RCAN2: variants seen among roughly 807,000 people sequenced by gnomAD.
The protein encoded by RCAN2 is regulator of calcineurin 2, also known as calcipressin-2.
Under a neutral mutation model 23.6 loss-of-function variants are expected in RCAN2, and 9 were observed. That is an observed-to-expected ratio of 0.38 (90% CI 0.23 to 0.67). The LOEUF (loss-of-function observed/expected upper bound fraction) is 0.67. Ranked by LOEUF, RCAN2 falls within the 30% of genes least tolerant of loss-of-function variation. RCAN2 has a pLI of 0.51. For synonymous variants in RCAN2, 109 were observed against 115.7 expected (o/e 0.94, Z 0.37); for missense variants, 273 against 302.3 (o/e 0.90, Z 0.72).
At position 46,333,456 on chromosome 6, in the gene RCAN2, G is replaced by A. The variant is rs566652740; in HGVS notation, c.226-84560C>T. On this transcript the variant is annotated intron_variant, in intron 2 of 4. Coordinates refer to ENST00000371374, the MANE Select transcript of RCAN2 (RefSeq NM_001251974.2). ...CCATTTGGATTGTTTCCAGCCTTTC[G>A]CTATTAAATAATGCAGCAATGGATA... Among the ~76,000 whole-genome samples the A allele has an allele frequency of 7.9e-5, 12 of 152,188 alleles. No homozygotes were observed. The South Asian group carries it at 1.9e-3, about 24-fold the overall frequency.
chr6:46,288,358 G>A (rs1171173928), intron 2 of RCAN2, among the ~76,000 whole-genome samples: 4 of 152,222 alleles, frequency 2.6e-5, no homozygotes, highest in African/African-American at 9.6e-5. Context: ...AGGAATCCCA[G>A]GCACCAGCAA....
At chr6:46,332,578 T>C (rs914933504) in intron 2 of RCAN2, among the ~76,000 whole-genome samples, 8 of 151,852 alleles carry the variant, frequency 5.3e-5, no homozygotes, top group Non-Finnish European at 7.4e-5. Context: ...TTTGTTCTTG[T>C]GATAGTTTAC....
chr6:46,242,976 C>T (rs1766358607), intron 4 of RCAN2, among the ~76,000 whole-genome samples: 1 of 152,204 alleles, frequency 6.6e-6, no homozygotes. Context: ...TGCATTCTTT[C>T]CCTCAGTAAG....
intron 2 of RCAN2, among the ~76,000 whole-genome samples, chr6:46,387,437 G>C (rs982732555): frequency 6.6e-6 from 1 of 152,274 alleles, no homozygotes; most frequent in African/African-American, 2.4e-5. Flanking sequence ...CAAAAAGTGG[G>C]TGAAGGATAT....
chr6:46,460,056 GT>G (rs143690465), intron 1 of RCAN2, among the ~76,000 whole-genome samples: 24 of 148,180 alleles, frequency 1.6e-4, no homozygotes, highest in Non-Finnish European at 3.5e-4. Flanking sequence ...CTCTGTTGTT[GT>G]TTTTTTTTTC....
At chr6:46,286,517 A>T (rs1762377965) in intron 2 of RCAN2, among the ~76,000 whole-genome samples, 1 of 152,242 alleles carries the variant, frequency 6.6e-6, no homozygotes, top group Non-Finnish European at 1.5e-5. Flanking sequence ...GCAGAAATAT[A>T]TGAGAAAGGA....
At chr6:46,440,281 A>T (rs1365114694) in intron 2 of RCAN2, among the ~76,000 whole-genome samples, 1 of 152,192 alleles carries the variant, frequency 6.6e-6, no homozygotes, top group Non-Finnish European at 1.5e-5. Flanking sequence ...AACCATGTGG[A>T]CCTAGATGGC....
At chr6:46,438,871 T>C (rs143990168) in intron 2 of RCAN2, among the ~76,000 whole-genome samples, 23 of 152,332 alleles carry the variant, frequency 1.5e-4, no homozygotes, top group African/African-American at 5.5e-4. Context: ...TCAATAATTA[T>C]TAAATAATTG....
chr6:46,271,494 C>G (rs1395261671), intron 2 of RCAN2, among the ~76,000 whole-genome samples: 3 of 152,194 alleles, frequency 2.0e-5, no homozygotes, highest in African/African-American at 7.2e-5. Flanking sequence ...GATCAAACAT[C>G]TGAGCACCGT....
At chr6:46,297,187 C>T (rs964769485) in intron 2 of RCAN2, among the ~76,000 whole-genome samples, 2 of 152,068 alleles carry the variant, frequency 1.3e-5, no homozygotes, top group South Asian at 2.1e-4. Context: ...GCAGGTACCC[C>T]ATGGGGCATC....
At position 46,221,666 on chromosome 6, in the gene RCAN2, T is replaced by C. The variant is rs924548427; in HGVS notation, c.*1475A>G. On this transcript the variant is annotated 3_prime_UTR_variant, in exon 5 of 5. Transcript: ENST00000371374. ...TTTCTGATGAAACTAACATACACCT[T>C]AGTCAAAAACCACAACAATCCCTCA... The C allele has an allele frequency of 1.7e-5, 6 of 352,532 alleles. No individual in the cohort carries two copies. The highest frequency in any genetic ancestry group is 4.7e-5 in the Admixed American group (1 of 21,304). 21.8% of individuals were successfully genotyped at this position (352,532 alleles called of 1,614,324 possible).
chr6:46,249,898 C>G (rs1463025102), intron 2 of RCAN2, among the ~76,000 whole-genome samples: 1 of 152,028 alleles, frequency 6.6e-6, no homozygotes, highest in Non-Finnish European at 1.5e-5. Context: ...ATAGCCAACT[C>G]TGCCATAGCA....
At chr6:46,262,306 T>C (rs185809183) in intron 2 of RCAN2, among the ~76,000 whole-genome samples, 62 of 152,268 alleles carry the variant, frequency 4.1e-4, no homozygotes, top group Admixed American at 1.1e-3. Context: ...AAGCACTATG[T>C]TCTCTGGACC....
chr6:46,284,989 G>A (rs1450509531), intron 2 of RCAN2, among the ~76,000 whole-genome samples: 1 of 152,132 alleles, frequency 6.6e-6, no homozygotes, highest in Non-Finnish European at 1.5e-5. Context: ...ATCAGATTCT[G>A]TACCACACAG....
At chr6:46,260,449 A>G (rs530924872) in intron 2 of RCAN2, among the ~76,000 whole-genome samples, 7 of 152,214 alleles carry the variant, frequency 4.6e-5, no homozygotes, top group Non-Finnish European at 8.8e-5. Flanking sequence ...CCACTTTGTA[A>G]GTACCCAAAG....
chr6:46,267,259 G>A (rs1394127580), intron 2 of RCAN2, among the ~76,000 whole-genome samples: 1 of 152,170 alleles, frequency 6.6e-6, no homozygotes, highest in Non-Finnish European at 1.5e-5. Context: ...CATGGTCATG[G>A]TAGACCACTT....
chr6:46,389,629 A>G (rs1333490829), intron 2 of RCAN2, among the ~76,000 whole-genome samples: 1 of 152,182 alleles, frequency 6.6e-6, no homozygotes, highest in African/African-American at 2.4e-5. Flanking sequence ...TTGTCAGACT[A>G]TTATATAGGT....
intron 2 of RCAN2, among the ~76,000 whole-genome samples, chr6:46,337,467 A>T (rs6458500): frequency 6.6e-6 from 1 of 152,034 alleles, no homozygotes; most frequent in Non-Finnish European, 1.5e-5. Context: ...AGTATTTGAT[A>T]AGCCTTACTC....
At chr6:46,315,394 G>A (rs1763399423) in intron 2 of RCAN2, among the ~76,000 whole-genome samples, 1 of 152,170 alleles carries the variant, frequency 6.6e-6, no homozygotes, top group South Asian at 2.1e-4. Context: ...GAGGGGTGGA[G>A]CGGGGCCTGT....
Sources: gnomAD v4.1 joint callset for allele counts (sites outside exome capture counted in the v4.1 genomes callset) on GRCh38, gnomAD v4.1.1 for gene constraint, MANE v1.5 for transcripts, NCBI Gene and HGNC (gene_info 2026-07-23, HGNC 2026-07-21) for gene names.